The following CDH4 variants were observed in gnomAD, a reference collection of about 807,000 sequenced individuals.
CDH4 encodes cadherin-4.
In CDH4, 33 loss-of-function variants were observed where a neutral mutation model predicts 86.0. The observed-to-expected ratio is 0.38, with a 90% CI of 0.29 to 0.51. CDH4 has a LOEUF of 0.51. Among genes scored for constraint, CDH4 ranks in the 20% least tolerant of loss-of-function variants. The probability of loss-of-function intolerance (pLI) is 0.86; values close to 1 mark genes in which losing one functional copy is unlikely to be tolerated. For missense variants in CDH4, 1,114 were observed against 1,307.4 expected (o/e 0.85, Z 2.28); for synonymous variants, 555 against 549.4 (o/e 1.01, Z -0.14).
intron 9 of CDH4, among the ~76,000 whole-genome samples, chr20:61,916,049 AT>A (rs1300251857): frequency 3.3e-5 from 5 of 152,144 alleles, no homozygotes; most frequent in Non-Finnish European, 7.3e-5. Context: ...TGAAGTTTCA[AT>A]TTAGAATCTG....
At chr20:61,610,200 C>A (rs1298087862) in intron 2 of CDH4, among the ~76,000 whole-genome samples, 1 of 152,198 alleles carries the variant, frequency 6.6e-6, no homozygotes, top group African/African-American at 2.4e-5. Context: ...CTACCCTCTA[C>A]CTCCATGAGG....
intron 6 of CDH4, among the ~76,000 whole-genome samples, chr20:61,870,839 G>A (rs1983772968): frequency 6.6e-6 from 1 of 152,186 alleles, no homozygotes; most frequent in South Asian, 2.1e-4. Flanking sequence ...GATGAAGGCT[G>A]AACGTTAGTA....
chr20:61,903,716 G>A (rs1047106950), intron 8 of CDH4, among the ~76,000 whole-genome samples: 2 of 152,164 alleles, frequency 1.3e-5, no homozygotes, highest in Admixed American at 1.3e-4. Flanking sequence ...CCGAGAGGCA[G>A]CCCCCAGGGG....
At chr20:61,364,979 C>A (rs750567879) in intron 2 of CDH4, among the ~76,000 whole-genome samples, 44 of 152,294 alleles carry the variant, frequency 2.9e-4, no homozygotes, top group Admixed American at 2.0e-3. Context: ...GATCCCAATG[C>A]CTGTTGAGGT....
intron 2 of CDH4, among the ~76,000 whole-genome samples, chr20:61,452,861 A>T (rs2085388191): frequency 6.6e-6 from 1 of 152,180 alleles, no homozygotes; most frequent in African/African-American, 2.4e-5. Flanking sequence ...AGTGACACTT[A>T]TTATGTTTCT....
In CDH4 at chr20:61,672,156, G is replaced by A. The variant is rs538357012; in HGVS notation, c.170-71407G>A. On this transcript the variant is annotated intron_variant, in intron 2 of 15. Transcript: ENST00000614565. Reference sequence around the variant, plus strand: ...GGATGAATGATCATATGGGTGGATGGGTTGATGGATAGATGAATGGGTGGG... The same window carrying A: ...GGATGAATGATCATATGGGTGGATGAGTTGATGGATAGATGAATGGGTGGG... 7.2e-5 allele frequency among the ~76,000 whole-genome samples: 11 copies of A among 151,948 alleles called. No individual in the cohort carries two copies. The South Asian group carries it at 2.3e-3, about 32-fold the overall frequency.
intron 2 of CDH4, among the ~76,000 whole-genome samples, chr20:61,268,902 A>G (rs569364971): frequency 3.3e-5 from 5 of 152,334 alleles, no homozygotes; most frequent in African/African-American, 1.2e-4. Context: ...AGCAACACCA[A>G]TGGATTAAGA....
At chr20:61,757,301 T>C (rs2088577587) in intron 3 of CDH4, among the ~76,000 whole-genome samples, 1 of 152,102 alleles carries the variant, frequency 6.6e-6, no homozygotes. Flanking sequence ...TTAGGTTTCA[T>C]GGCCGTCCAA....
At chr20:61,668,708 C>T (rs2087354075) in intron 2 of CDH4, among the ~76,000 whole-genome samples, 1 of 152,232 alleles carries the variant, frequency 6.6e-6, no homozygotes, top group Non-Finnish European at 1.5e-5. Flanking sequence ...GATCAAAGCC[C>T]AGGTCTTCAG....
intron 4 of CDH4, among the ~76,000 whole-genome samples, chr20:61,832,785 C>T (rs1981682153): frequency 6.6e-6 from 1 of 152,174 alleles, no homozygotes; most frequent in African/African-American, 2.4e-5. Flanking sequence ...CAAAGTCTAA[C>T]CATACCACCT....
chr20:61,457,714 G>A (rs959520234), intron 2 of CDH4, among the ~76,000 whole-genome samples: 3 of 146,816 alleles, frequency 2.0e-5, no homozygotes, highest in Non-Finnish European at 3.0e-5. Flanking sequence ...GGTTATGATG[G>A]TGATGGCAGT....
At chr20:61,793,732 T>C (rs1030207809) in intron 4 of CDH4, among the ~76,000 whole-genome samples, 2 of 149,056 alleles carry the variant, frequency 1.3e-5, no homozygotes, top group South Asian at 2.2e-4. Flanking sequence ...CCCAGCTACT[T>C]GGGAGGCTGA....
intron 2 of CDH4, among the ~76,000 whole-genome samples, chr20:61,584,901 G>A (rs1449727255): frequency 6.6e-6 from 1 of 152,200 alleles, no homozygotes; most frequent in East Asian, 1.9e-4. Context: ...GACCCAGTGA[G>A]ATGAGCAGGT....
At chr20:61,546,986 C>T (rs1437290879) in intron 2 of CDH4, among the ~76,000 whole-genome samples, 1 of 151,960 alleles carries the variant, frequency 6.6e-6, no homozygotes, top group Non-Finnish European at 1.5e-5. Flanking sequence ...CAGTGATGGG[C>T]GGTGCCTCTT....
chr20:61,543,212 C>A (rs879552751), intron 2 of CDH4, among the ~76,000 whole-genome samples: 14 of 152,204 alleles, frequency 9.2e-5, no homozygotes, highest in Non-Finnish European at 1.8e-4. Context: ...TTGGCAACGC[C>A]CTCACAGACA....
At position 61,382,865 on chromosome 20, in the gene CDH4, C is replaced by T. The variant is rs561913588; in HGVS notation, c.169+127928C>T. Reference sequence around the variant, plus strand: ...CATCCCAGGATCCTTAATGTCATTACATCTGCAAAGACCCATTTTTCCAAA... The same window carrying T: ...CATCCCAGGATCCTTAATGTCATTATATCTGCAAAGACCCATTTTTCCAAA... On this transcript the variant is annotated intron_variant, in intron 2 of 15. Coordinates refer to ENST00000614565, the MANE Select transcript of CDH4 (RefSeq NM_001794.5). Among the ~76,000 whole-genome samples, 124 of 143,496 alleles carry T rather than the reference C, an allele frequency of 8.6e-4. 2 individuals carry two copies. The East Asian group carries it at 0.012, about 14-fold the overall frequency. The allele number at this position is 143,496 out of a possible 152,430, so 94.1% of individuals were successfully genotyped here.
chr20:61,376,029 G>C (rs202103500), intron 2 of CDH4, among the ~76,000 whole-genome samples: 3 of 17,078 alleles, frequency 1.8e-4, no homozygotes, highest in African/African-American at 6.9e-4. Context: ...TGTGGTTTGT[G>C]GATGGTAGTG....
chr20:61,873,755 A>G lies in CDH4; in HGVS notation c.905A>G (p.Asn302Ser), dbSNP rs762210609. Reference sequence around the variant, plus strand: ...ACCTACGTGATGACCGTCACGGCCAACGATGCTGACGACAGCACCACGGCC... The same window carrying G: ...ACCTACGTGATGACCGTCACGGCCAGCGATGCTGACGACAGCACCACGGCC... ...PGTYVMTVTANDADDSTTANG... is the reference protein window; with the variant it reads ...PGTYVMTVTASDADDSTTANG... Residue 302 changes from asparagine to serine, a missense_variant, in exon 7 of 16, where the codon AAC (asparagine) becomes AGC (serine). Coordinates refer to ENST00000614565, the MANE Select transcript of CDH4 (RefSeq NM_001794.5). The G allele has an allele frequency of 1.2e-6, 2 of 1,613,772 alleles. No homozygotes were observed.
At chr20:61,613,135 T>G (rs1345893564) in intron 2 of CDH4, among the ~76,000 whole-genome samples, 1 of 151,962 alleles carries the variant, frequency 6.6e-6, no homozygotes, top group East Asian at 1.9e-4. Flanking sequence ...TCCACAAGTT[T>G]CCTCGGAAAA....
Sources: allele counts gnomAD v4.1 joint callset (sites outside exome capture counted in the v4.1 genomes callset), GRCh38; gene constraint gnomAD v4.1.1; transcripts MANE v1.5; gene names NCBI Gene and HGNC (gene_info 2026-07-23, HGNC 2026-07-21).